The following PCSK5 variants were observed in gnomAD, a reference collection of about 807,000 sequenced individuals.
The protein encoded by PCSK5 is proprotein convertase subtilisin/kexin type 5.
Under a neutral mutation model 233.2 loss-of-function variants are expected in PCSK5, and 129 were observed. The observed-to-expected ratio is 0.55, with a 90% CI of 0.48 to 0.64. PCSK5 has a LOEUF of 0.64. Among genes scored for constraint, PCSK5 ranks in the 30% least tolerant of loss-of-function variants. The pLI, the probability that PCSK5 is intolerant of heterozygous loss-of-function variation, is 0.00. For synonymous variants in PCSK5, 825 were observed against 879.2 expected, an observed-to-expected ratio of 0.94 and a Z score of 1.09; for missense variants, 2,076 against 2,430.1, an observed-to-expected ratio of 0.85 and a Z score of 3.06.
At chr9:76,110,283 C>T (rs1832157685) in intron 9 of PCSK5, among the ~76,000 whole-genome samples, 1 of 152,172 alleles carries the variant, frequency 6.6e-6, no homozygotes, top group African/African-American at 2.4e-5. Context: ...TGAAAAGCTG[C>T]AAGAGTCTGC....
At chr9:76,225,330 G>T (rs573243239) in intron 20 of PCSK5, among the ~76,000 whole-genome samples, 2 of 152,170 alleles carry the variant, frequency 1.3e-5, no homozygotes, top group Non-Finnish European at 2.9e-5. Context: ...TAAAATGAAT[G>T]AATGGATAAG....
In PCSK5 at chr9:76,174,974, T is replaced by A. The variant is rs769366343; in HGVS notation, c.1757-12T>A. 25 of 1,589,376 alleles carry A rather than the reference T, an allele frequency of 1.6e-5. No homozygotes were observed. The South Asian group carries it at 2.9e-4, about 18-fold the overall frequency. ...ATTTGGTCATGCTGTGATTTCATTA[T>A]TATTTCTCAAGGTAAATTGAAAGAA... On this transcript the variant is annotated splice_polypyrimidine_tract_variant and intron_variant, in intron 13 of 37. Coordinates refer to ENST00000674117, the MANE Select transcript of PCSK5 (RefSeq NM_001372043.1).
intron 2 of PCSK5, among the ~76,000 whole-genome samples, chr9:75,951,324 A>G (rs922778920): frequency 2.0e-5 from 3 of 152,210 alleles, no homozygotes; most frequent in African/African-American, 7.2e-5. Flanking sequence ...TCCCCAGTGG[A>G]CCAGCATCAG....
chr9:76,335,267 G>A (rs904752378), intron 34 of PCSK5, among the ~76,000 whole-genome samples: 1 of 152,178 alleles, frequency 6.6e-6, no homozygotes. Flanking sequence ...ATGGAATTAA[G>A]AAGACAATTG....
chr9:76,172,919 A>G lies in PCSK5; in HGVS notation c.1757-2067A>G, dbSNP rs376890631. 6.6e-5 allele frequency among the ~76,000 whole-genome samples: 10 copies of G among 152,346 alleles called. No homozygotes were observed. The East Asian group carries it at 1.2e-3, about 18-fold the overall frequency. The stretch of plus-strand genomic sequence containing the variant: ...TACATAAACCGATTGTACTGGTCCA[A>G]TGTAAAAGTCAGAAAAAAATGCATG... On this transcript the variant is annotated intron_variant, in intron 13 of 37. Transcript: ENST00000674117.
intron 21 of PCSK5, among the ~76,000 whole-genome samples, chr9:76,233,118 G>A (rs190269018): frequency 1.3e-5 from 2 of 152,302 alleles, no homozygotes; most frequent in African/African-American, 4.8e-5. Flanking sequence ...TAAGTGTGTG[G>A]AAAGTTTACA....
At chr9:76,216,307 A>G (rs1176114656) in intron 20 of PCSK5, among the ~76,000 whole-genome samples, 1 of 152,182 alleles carries the variant, frequency 6.6e-6, no homozygotes, top group South Asian at 2.1e-4. Flanking sequence ...TCAGGAAAGG[A>G]AAAAAGAGCA....
At chr9:76,356,245 C>T (rs920309895) in intron 37 of PCSK5, among the ~76,000 whole-genome samples, 2 of 152,164 alleles carry the variant, frequency 1.3e-5, no homozygotes, top group African/African-American at 4.8e-5. Flanking sequence ...AAGACTGTTC[C>T]AACTAAGAAC....
chr9:75,997,966 A>G (rs1339551761), intron 3 of PCSK5, among the ~76,000 whole-genome samples: 3 of 152,176 alleles, frequency 2.0e-5, no homozygotes, highest in Non-Finnish European at 4.4e-5. Flanking sequence ...GCCTACTGGT[A>G]TAGAAGTTCT....
intron 2 of PCSK5, among the ~76,000 whole-genome samples, chr9:75,962,690 G>T (rs1444368292): frequency 6.6e-6 from 1 of 152,212 alleles, no homozygotes; most frequent in Admixed American, 6.5e-5. Context: ...TCGAGAACCA[G>T]CATTTGTGAT....
chr9:76,108,027 T>C (rs1832048436), intron 9 of PCSK5, among the ~76,000 whole-genome samples: 1 of 152,248 alleles, frequency 6.6e-6, no homozygotes, highest in Admixed American at 6.5e-5. Flanking sequence ...AACGTTCTTT[T>C]GCAAATTTAA....
intron 3 of PCSK5, among the ~76,000 whole-genome samples, chr9:75,986,975 C>T (rs543334548): frequency 6.6e-6 from 1 of 152,288 alleles, no homozygotes; most frequent in South Asian, 2.1e-4. Context: ...CACCAATTTG[C>T]TCTATAATGT....
intron 20 of PCSK5, among the ~76,000 whole-genome samples, chr9:76,214,601 C>T (rs1825454994): frequency 6.6e-6 from 1 of 152,130 alleles, no homozygotes; most frequent in African/African-American, 2.4e-5. Context: ...ATTTAAAAAA[C>T]AAGCAGTATA....
intron 2 of PCSK5, among the ~76,000 whole-genome samples, chr9:75,937,778 C>G (rs1168186107): frequency 6.6e-6 from 1 of 152,224 alleles, no homozygotes; most frequent in African/African-American, 2.4e-5. Flanking sequence ...TCAGCACTTG[C>G]TGCTTCACCT....
At chr9:76,290,865 G>A (rs181218751) in intron 24 of PCSK5, among the ~76,000 whole-genome samples, 1 of 152,320 alleles carries the variant, frequency 6.6e-6, no homozygotes, top group Non-Finnish European at 1.5e-5. Flanking sequence ...ACTCCTGCTA[G>A]GCTCAACTTC....
chr9:76,347,937 T>C (rs923305471), intron 35 of PCSK5, among the ~76,000 whole-genome samples: 1 of 152,016 alleles, frequency 6.6e-6, no homozygotes, highest in Non-Finnish European at 1.5e-5. Flanking sequence ...GATGTCATGA[T>C]ATATGTATAC....
intron 10 of PCSK5, among the ~76,000 whole-genome samples, chr9:76,144,682 G>T (rs1002127387): frequency 6.6e-6 from 1 of 152,206 alleles, no homozygotes; most frequent in Non-Finnish European, 1.5e-5. Context: ...ATTTCTTCCA[G>T]AGCTAACAAA....
chr9:76,208,513 C>T (rs1044315067), intron 20 of PCSK5, among the ~76,000 whole-genome samples: 1 of 152,144 alleles, frequency 6.6e-6, no homozygotes, highest in African/African-American at 2.4e-5. Context: ...GTGCCTCTTG[C>T]CTTTGCCTTT....
intron 34 of PCSK5, among the ~76,000 whole-genome samples, chr9:76,335,635 A>G (rs1203334275): frequency 6.6e-6 from 1 of 151,876 alleles, no homozygotes; most frequent in Non-Finnish European, 1.5e-5. Flanking sequence ...GTTCCAATAA[A>G]CTCTTCATTG....
Sources: gnomAD v4.1 joint callset for allele counts (sites outside exome capture counted in the v4.1 genomes callset) on GRCh38, gnomAD v4.1.1 for gene constraint, MANE v1.5 for transcripts, NCBI Gene and HGNC (gene_info 2026-07-23, HGNC 2026-07-21) for gene names.